The following PKN3 variants were observed in gnomAD, a reference collection of about 807,000 sequenced individuals.
The protein encoded by PKN3 is serine/threonine-protein kinase N3.
Under a neutral mutation model 113.1 loss-of-function variants are expected in PKN3, and 91 were observed. The observed-to-expected ratio is 0.80, with a 90% CI of 0.68 to 0.96. The LOEUF (loss-of-function observed/expected upper bound fraction) is 0.96. PKN3 is among the 40% of genes least tolerant of loss of function. PKN3 has a pLI of 0.00. For synonymous variants in PKN3, 467 were observed against 499.0 expected, an observed-to-expected ratio of 0.94 and a Z score of 0.85; for missense variants, 1,052 against 1,202.2, an observed-to-expected ratio of 0.88 and a Z score of 1.85.
rs1410386455 is a variant in PKN3 at position 128,706,881 on chromosome 9, C to G, written c.524-15C>G. ...AGGGAAGAGCAGGGCCTGAGAGCCG[C>G]CGTCCTTCCCACAGGGCCTGAGCTG... On this transcript the variant is annotated splice_polypyrimidine_tract_variant and intron_variant, in intron 4 of 21. Coordinates refer to ENST00000291906, the MANE Select transcript of PKN3 (RefSeq NM_013355.5). The G allele has an allele frequency of 6.2e-7, 1 of 1,613,850 alleles. No individual in the cohort carries two copies. Among genetic ancestry groups the G allele is most frequent in the African/African-American group, 1.3e-5 (1 of 74,944 alleles).
Position 128,719,755 on chromosome 9 carries a change from C to G in PKN3, c.2195C>G (p.Thr732Ser), listed in dbSNP as rs1862467761. Residue 732 changes from threonine to serine, a missense_variant, in exon 19 of 22, where the codon ACC becomes AGC. This residue lies in a region of PKN3 where 333 missense variants were observed against 442.8 expected (regional missense o/e 0.75). Coordinates refer to ENST00000291906, the MANE Select transcript of PKN3 (RefSeq NM_013355.5). ...TPEFLAPEVL[T>S]QEAYTRAVDW... ...GAGTTCCTGGCTCCCGAGGTGCTGA[C>G]CCAGGAGGCATACACACGGGCTGTG... 6.2e-7 allele frequency: 1 copy of G among 1,604,882 alleles called. No homozygotes were observed. The highest frequency in any genetic ancestry group is 1.7e-5 in the Admixed American group (1 of 59,400).
At chr9:128,718,893 T>C (rs1862426523) in intron 18 of PKN3, among the ~76,000 whole-genome samples, 1 of 28,740 alleles carries the variant, frequency 3.5e-5, no homozygotes, top group Non-Finnish European at 5.9e-4. Flanking sequence ...TCTGTTTTTT[T>C]TTTGGTTTGT....
Position 128,705,383 on chromosome 9 carries a change from G to T in PKN3, c.105G>T (p.Glu35Asp), listed in dbSNP as rs546780208. The change falls in exon 2 of 22, where the codon GAG becomes GAT. Residue 35 changes from glutamate (E) to aspartate (D), a missense_variant. Physicochemically the swap from Glu to Asp is conservative, Grantham distance 45. Coordinates refer to ENST00000291906, the MANE Select transcript of PKN3 (RefSeq NM_013355.5). ...RAIQKELKIK[E>D]GVENLRRVAT... Reference sequence around the variant, plus strand: ...TCCAGAAAGAGCTGAAGATCAAGGAGGGGGTGGAGAACCTGCGGCGCGTGG... The same window carrying T: ...TCCAGAAAGAGCTGAAGATCAAGGATGGGGTGGAGAACCTGCGGCGCGTGG... 7.5e-6 allele frequency: 12 copies of T among 1,597,610 alleles called. No homozygotes were observed. Among genetic ancestry groups the T allele is most frequent in the East Asian group, 6.8e-5 (3 of 44,110 alleles).
At chr9:128,703,782 G>T (rs778052324) in intron 1 of PKN3, 6 of 985,438 alleles carry the variant, frequency 6.1e-6, no homozygotes, top group Non-Finnish European at 7.2e-6. Context: ...CGCCTTCAGG[G>T]CTGGGGCTCG....
chr9:128,716,007 A>T (rs1862325751), intron 15 of PKN3, among the ~76,000 whole-genome samples: 1 of 151,120 alleles, frequency 6.6e-6, no homozygotes, highest in Non-Finnish European at 1.5e-5. Flanking sequence ...CTAATTAAAA[A>T]AAAAAAAAGG....
rs762509065 is a variant in PKN3, at chr9:128,713,398, C to T, written c.1092+11C>T. On this transcript the variant is annotated intron_variant, in intron 8 of 21. Coordinates refer to ENST00000291906, the MANE Select transcript of PKN3 (RefSeq NM_013355.5). ...ATCCCACTGGAGCGAGTAAGGCTGG[C>T]CTTTGTGTGGTCAGGGGTGACCTTG... 31 of 1,613,362 alleles carry T rather than the reference C, an allele frequency of 1.9e-5. No individual in the cohort carries two copies. The highest frequency in any genetic ancestry group is 2.6e-5 in the Non-Finnish European group (31 of 1,179,634).
At chr9:128,703,472 A>T (rs1256093611) in intron 1 of PKN3, 1 of 985,268 alleles carries the variant, frequency 1.0e-6, no homozygotes. Context: ...ACCTTTGGGT[A>T]CATAGCGGGT....
rs1415134594 is a variant in PKN3 at position 128,715,667 on chromosome 9, C to T, written c.1808+207C>T. Among the ~76,000 whole-genome samples the T allele has an allele frequency of 6.6e-6, 1 of 152,164 alleles. No homozygotes were observed. Among genetic ancestry groups the T allele is most frequent in the Non-Finnish European group, 1.5e-5 (1 of 68,038 alleles). On this transcript the variant is annotated intron_variant, in intron 15 of 21. Transcript: ENST00000291906. This position sits in a 1 kb window ranked among gnomAD's most constrained non-coding sequence, Gnocchi z 4.1. ...AGTTTGCTCTACTGTAAAATGGGGG[C>T]ATTGGTGGCTGTGCACGTTCAGAGC...
At chr9:128,718,427 G>C (rs1344177882) in intron 17 of PKN3, 40 bp downstream of exon 17, 1 of 1,572,614 alleles carries the variant, frequency 6.4e-7, no homozygotes, top group African/African-American at 1.4e-5. Context: ...TAGGGGTGGG[G>C]GTGGGGGTGG....
chr9:128,712,636 A>G (rs73625276), intron 6 of PKN3, among the ~76,000 whole-genome samples: 16,036 of 152,052 alleles, frequency 0.11, 2,434 homozygotes, highest in African/African-American at 0.34. Context: ...CAGCCTGGCT[A>G]AGGTCTGAGG....
chr9:128,720,464 C>T lies in PKN3; in HGVS notation c.2528C>T (p.Ala843Val), dbSNP rs553161560. Residue 843 changes from alanine to valine, a missense_variant, in exon 22 of 22, where the codon GCG becomes GTG. Coordinates refer to ENST00000291906, the MANE Select transcript of PKN3 (RefSeq NM_013355.5). The surrounding 1 kb of genome is among the most constrained non-coding windows in gnomAD (Gnocchi z 5.5). ...TTCGTGCCTACCCTGTGTGGCCCTG[C>T]GGACCTGCGCTACTTTGAGGGCGAG... Reference protein sequence around the residue: ...PPFVPTLCGPADLRYFEGEFT... With the variant: ...PPFVPTLCGPVDLRYFEGEFT... The T allele has an allele frequency of 1.8e-5, 29 of 1,613,090 alleles. No individual in the cohort carries two copies. In the South Asian group the frequency reaches 2.4e-4, roughly 13 times the overall value.
At chr9:128,703,010 G>A (rs796095977) in intron 1 of PKN3, 71 bp downstream of exon 1, 1 of 1,056,316 alleles carries the variant, frequency 9.5e-7, no homozygotes, top group Non-Finnish European at 1.3e-6. Flanking sequence ...CCGGAGCCCC[G>A]AACCGCGGCC....
At position 128,702,674 on chromosome 9, in the gene PKN3, T is replaced by G; in HGVS notation, c.-242T>G. 2.3e-6 allele frequency: 1 copy of G among 442,174 alleles called. No individual in the cohort carries two copies. Among genetic ancestry groups the G allele is most frequent in the Non-Finnish European group, 4.0e-6 (1 of 252,736 alleles). The allele number at this position is 442,174 out of a possible 1,614,324, so 27.4% of individuals were successfully genotyped here. On this transcript the variant is annotated 5_prime_UTR_variant, in exon 1 of 22. The change creates a new upstream start codon in the 5' untranslated region. Coordinates refer to ENST00000291906, the MANE Select transcript of PKN3 (RefSeq NM_013355.5). The stretch of plus-strand genomic sequence containing the variant: ...TACTGGGCCCAGAATCCCGCGGAAT[T>G]TTGGATCCGAGGGAGGCGCTGGGGC...
chr9:128,702,962 G>T, intron 1 of PKN3, 23 bp downstream of exon 1: 1 of 1,407,854 alleles, frequency 7.1e-7, no homozygotes. Context: ...GGAGGGGCGC[G>T]CGGGCCCGGG....
At position 128,720,028 on chromosome 9, in the gene PKN3, C is replaced by T. The variant is rs765406210; in HGVS notation, c.2376+11C>T. 1.2e-5 allele frequency: 20 copies of T among 1,607,040 alleles called. No individual in the cohort carries two copies. The highest frequency in any genetic ancestry group is 9.4e-5 in the African/African-American group (7 of 74,806). ...GAGTTCATTCAGAAGGTAAGCACTG[C>T]GGGGTCTGGGGCTGGGCTGGATGGC... is the stretch of plus-strand genomic sequence containing the variant. On this transcript the variant is annotated intron_variant, in intron 20 of 21. Transcript: ENST00000291906. This position sits in a 1 kb window ranked among gnomAD's most constrained non-coding sequence, Gnocchi z 5.5.
In PKN3 at chr9:128,706,961, G is replaced by A. The variant is rs758479945; in HGVS notation, c.589G>A (p.Ala197Thr). ...LHVEAAVAEG[A>T]KNVVKLLSSR... ...CGTTGAGGCAGCTGTGGCTGAGGGC[G>A]CCAAGAACGTGGTGAAACTGCTTAG... Residue 197 changes from alanine to threonine, a missense_variant, in exon 5 of 22, where the codon GCC becomes ACC. Ala to Thr is a moderately conservative substitution (Grantham distance 58). This residue lies in a region of PKN3 where 719 missense variants were observed against 759.4 expected (regional missense o/e 0.95). Coordinates refer to ENST00000291906, the MANE Select transcript of PKN3 (RefSeq NM_013355.5). The A allele has an allele frequency of 9.9e-6, 16 of 1,614,076 alleles. No individual in the cohort carries two copies. Among genetic ancestry groups the A allele is most frequent in the Middle Eastern group, 1.6e-4 (1 of 6,084 alleles).
intron 1 of PKN3, chr9:128,703,835 T>A: frequency 3.0e-6 from 3 of 985,358 alleles, no homozygotes; most frequent in Non-Finnish European, 3.6e-6. Context: ...TCCCTCCGCC[T>A]GTTCCAGACG....
intron 13 of PKN3, 74 bp downstream of exon 13, chr9:128,714,939 A>C: frequency 7.1e-7 from 1 of 1,416,056 alleles, no homozygotes; most frequent in Non-Finnish European, 1.0e-6. Context: ...CCATTCATAC[A>C]TTACTCCCTG....
chr9:128,707,984 T>C (rs559173429), intron 6 of PKN3, among the ~76,000 whole-genome samples: 1 of 149,016 alleles, frequency 6.7e-6, no homozygotes, highest in South Asian at 2.1e-4. Flanking sequence ...AGGCAGAGAA[T>C]TGATTGAACC....
Sources: gnomAD v4.1 joint callset for allele counts (sites outside exome capture counted in the v4.1 genomes callset) on GRCh38, gnomAD v4.1.1 for gene constraint, gnomAD v4.1.1 regional missense constraint, Gnocchi (gnomAD v3.1) non-coding constraint, MANE v1.5 for transcripts, NCBI Gene and HGNC (gene_info 2026-07-23, HGNC 2026-07-21) for gene names.